The following PTGR1 variants were observed in gnomAD, a reference collection of about 807,000 sequenced individuals.
PTGR1 encodes prostaglandin reductase 1.
Under a neutral mutation model 37.7 loss-of-function variants are expected in PTGR1, and 23 were observed. The observed-to-expected ratio is 0.61, with a 90% CI of 0.44 to 0.86. The LOEUF (loss-of-function observed/expected upper bound fraction) is 0.86, where lower values mean the gene tolerates loss of function less well. Ranked by LOEUF, PTGR1 falls within the 40% of genes least tolerant of loss-of-function variation. The pLI is 0.00. For synonymous variants in PTGR1, 134 were observed against 140.0 expected, an observed-to-expected ratio of 0.96 and a Z score of 0.30; for missense variants, 351 against 394.3, an observed-to-expected ratio of 0.89 and a Z score of 0.93.
In PTGR1 at chr9:111,578,949, G is replaced by T; in HGVS notation, c.498C>A (p.Gly166=). The part of the protein sequence containing the change: ...SVVGQIAKLK[G]CKVVGAVGSD... ...ACCCTACTGCTCCAACAACTTTGCA[G>T]CCCTAAGTAGAAAAAAAAAAAAAAA... Residue 166 remains glycine, a splice_region_variant and synonymous_variant, in exon 7 of 10, where the codon GGC becomes GGA. Transcript: ENST00000407693. The T allele has an allele frequency of 6.5e-7, 1 of 1,546,632 alleles. No homozygotes were observed. Among genetic ancestry groups the T allele is most frequent in the Non-Finnish European group, 8.6e-7 (1 of 1,156,954 alleles).
intron 5 of PTGR1, 34 bp downstream of exon 5, chr9:111,585,964 A>C: frequency 6.2e-7 from 1 of 1,609,128 alleles, no homozygotes; most frequent in Non-Finnish European, 8.5e-7. Context: ...AGTGTCAGAC[A>C]TTCAAACAAA....
At position 111,571,395 on chromosome 9, in the gene PTGR1, C is replaced by A. The variant is rs1044852007; in HGVS notation, c.761-1186G>T. 5.4e-5 allele frequency among the ~76,000 whole-genome samples: 8 copies of A among 149,416 alleles called. 1 individual carries two copies. The highest frequency in any genetic ancestry group is 1.2e-4 in the African/African-American group (5 of 41,212). On this transcript the variant is annotated intron_variant, in intron 8 of 9. Transcript: ENST00000407693. ...CTCCACTCCAGCCTGGGTGACAGAGCGAGACTCGGTTTCAAAAAGAAAAAA... is the reference window on the plus strand; with the variant it reads ...CTCCACTCCAGCCTGGGTGACAGAGAGAGACTCGGTTTCAAAAAGAAAAAA...
chr9:111,583,193 T>C (rs1462241554), intron 6 of PTGR1, among the ~76,000 whole-genome samples: 1 of 152,258 alleles, frequency 6.6e-6, no homozygotes, highest in African/African-American at 2.4e-5. Flanking sequence ...GCTGTAGCGA[T>C]AGAATGTTCA....
intron 7 of PTGR1, among the ~76,000 whole-genome samples, chr9:111,578,332 T>C (rs73535468): frequency 0.018 from 2,741 of 152,188 alleles, 83 homozygotes; most frequent in African/African-American, 0.062. Flanking sequence ...CTATTATTAT[T>C]GCAATGTAAT....
intron 2 of PTGR1, among the ~76,000 whole-genome samples, chr9:111,594,470 G>A (rs1829717860): frequency 6.6e-6 from 1 of 151,154 alleles, no homozygotes; most frequent in Non-Finnish European, 1.5e-5. Flanking sequence ...TAACAAGCCT[G>A]CATATGTACC....
chr9:111,565,046 C>T (rs530535290), intron 9 of PTGR1, among the ~76,000 whole-genome samples: 1 of 152,094 alleles, frequency 6.6e-6, no homozygotes, highest in African/African-American at 2.4e-5. Flanking sequence ...ATCACATGAA[C>T]CCGGCAGGCG....
At chr9:111,558,578 C>T (rs145265767), downstream of PTGR1, among the ~76,000 whole-genome samples, 539 of 152,268 alleles carry the variant, frequency 3.5e-3, 1 homozygote, top group Admixed American at 5.9e-3. Context: ...CAGAACAAAC[C>T]ATTTCTGGTT....
chr9:111,564,632 C>T (rs1005682500), intron 9 of PTGR1, among the ~76,000 whole-genome samples: 4 of 151,860 alleles, frequency 2.6e-5, no homozygotes, highest in African/African-American at 9.7e-5. Context: ...ACTTGAAAGC[C>T]CCAACTCATT....
intron 4 of PTGR1, among the ~76,000 whole-genome samples, chr9:111,591,024 G>A (rs1349993366): frequency 6.6e-6 from 1 of 152,148 alleles, no homozygotes; most frequent in Non-Finnish European, 1.5e-5. Context: ...GGGCACGGTG[G>A]CTCATGCCTG....
intron 5 of PTGR1, among the ~76,000 whole-genome samples, chr9:111,584,432 A>C (rs912968330): frequency 2.6e-5 from 4 of 152,232 alleles, no homozygotes; most frequent in African/African-American, 7.2e-5. Context: ...CACTAATTGA[A>C]TGTAAGAAGG....
intron 4 of PTGR1, among the ~76,000 whole-genome samples, chr9:111,588,642 T>C (rs1053948496): frequency 6.6e-6 from 1 of 152,014 alleles, no homozygotes; most frequent in African/African-American, 2.4e-5. Flanking sequence ...TCTCGTCCCT[T>C]GGCCCCCTGA....
At chr9:111,561,887 T>C (rs561461726), downstream of PTGR1, among the ~76,000 whole-genome samples, 1 of 152,320 alleles carries the variant, frequency 6.6e-6, no homozygotes, top group South Asian at 2.1e-4. Context: ...TGTTTTGTTT[T>C]GTTTTGTTTT....
chr9:111,564,268 A>G, intron 9 of PTGR1: 1 of 839,916 alleles, frequency 1.2e-6, no homozygotes. Context: ...GGAAGCTGAA[A>G]TTTAAACTTT....
chr9:111,598,283 C>A (rs567772116), intron 1 of PTGR1, among the ~76,000 whole-genome samples: 1 of 152,214 alleles, frequency 6.6e-6, no homozygotes, highest in East Asian at 1.9e-4. Flanking sequence ...TGAACTCTGC[C>A]GAATCACTTG....
intron 9 of PTGR1, among the ~76,000 whole-genome samples, chr9:111,567,114 G>A (rs1285388224): frequency 1.3e-5 from 2 of 151,406 alleles, no homozygotes; most frequent in African/African-American, 2.4e-5. Context: ...CGGGGGGCGT[G>A]GGATATGGAG....
At chr9:111,550,043 A>AT (rs1364323713) in intron 9 of PTGR1, among the ~76,000 whole-genome samples, 1 of 151,786 alleles carries the variant, frequency 6.6e-6, no homozygotes, top group African/African-American at 2.4e-5. Flanking sequence ...CCCAGGGTTT[A>AT]TTTTTTGTTG....
chr9:111,586,206 T>C, intron 4 of PTGR1, 41 bp from the exon 5 acceptor site: 3 of 1,591,152 alleles, frequency 1.9e-6, no homozygotes, highest in Non-Finnish European at 8.6e-7. Context: ...GCATGTGACA[T>C]GTCTTCCCTT....
intron 4 of PTGR1, among the ~76,000 whole-genome samples, chr9:111,588,135 C>T (rs1281805087): frequency 6.6e-6 from 1 of 151,434 alleles, no homozygotes; most frequent in Non-Finnish European, 1.5e-5. Context: ...CCCACCTTGG[C>T]CTCCTGAGTA....
At chr9:111,559,598 TCA>T (rs1037774997), downstream of PTGR1, among the ~76,000 whole-genome samples, 2 of 149,934 alleles carry the variant, frequency 1.3e-5, no homozygotes, top group Admixed American at 1.3e-4. Context: ...ACACACACAC[TCA>T]CACACACACA....
Sources: allele counts gnomAD v4.1 joint callset (sites outside exome capture counted in the v4.1 genomes callset), GRCh38; gene constraint gnomAD v4.1.1; transcripts MANE v1.5; gene names NCBI Gene and HGNC (gene_info 2026-07-23, HGNC 2026-07-21).